The following HTT-AS variants were observed in gnomAD, a reference collection of about 807,000 sequenced individuals.
The protein encoded by HTT-AS is HTT antisense RNA (head to head).
At chr4:3,058,507 T>TG (rs930316209) in intron 2 of HTT-AS, among the ~76,000 whole-genome samples, 1 of 152,150 alleles carries the variant, frequency 6.6e-6, no homozygotes, top group Non-Finnish European at 1.5e-5. Flanking sequence ...TGGTGGGCTT[T>TG]GGCCAGCTTC....
chr4:3,068,582 C>T (rs1712101100), intron 1 of HTT-AS, among the ~76,000 whole-genome samples: 1 of 150,420 alleles, frequency 6.6e-6, no homozygotes, highest in South Asian at 2.1e-4. Flanking sequence ...ATTCGGGGGC[C>T]AATTTAAACA....
chr4:3,074,234 G>A (rs768018463), intron 1 of HTT-AS, among the ~76,000 whole-genome samples: 8 of 29,714 alleles, frequency 2.7e-4, no homozygotes, highest in Non-Finnish European at 2.9e-4. Context: ...GCCCCGCCCC[G>A]CCCCCGTCTC....
chr4:3,064,386 G>A (rs1411261680), intron 1 of HTT-AS, among the ~76,000 whole-genome samples: 1 of 152,084 alleles, frequency 6.6e-6, no homozygotes, highest in East Asian at 1.9e-4. Context: ...GAGCCACCGT[G>A]CCTGGCCAAA....
At chr4:3,072,788 C>T (rs910497031) in intron 1 of HTT-AS, among the ~76,000 whole-genome samples, 9 of 152,128 alleles carry the variant, frequency 5.9e-5, no homozygotes, top group Admixed American at 3.9e-4. Flanking sequence ...CCACTACACC[C>T]GGCTAATTTT....
At chr4:3,054,922 C>A (rs1304825965) in intron 2 of HTT-AS, among the ~76,000 whole-genome samples, 2 of 151,762 alleles carry the variant, frequency 1.3e-5, no homozygotes, top group South Asian at 2.1e-4. Context: ...ACCATATTGG[C>A]CAGGCTGGTC....
At chr4:3,069,072 T>G (rs1338969510) in intron 1 of HTT-AS, among the ~76,000 whole-genome samples, 2 of 152,110 alleles carry the variant, frequency 1.3e-5, no homozygotes, top group Non-Finnish European at 2.9e-5. Context: ...GAGAATAGAT[T>G]TACGTTAGAT....
intron 2 of HTT-AS, among the ~76,000 whole-genome samples, chr4:3,058,620 G>A (rs1160454049): frequency 2.0e-5 from 3 of 152,064 alleles, no homozygotes; most frequent in Non-Finnish European, 2.9e-5. Context: ...CTGGGAACGC[G>A]GCCCAGCAGG....
intron 1 of HTT-AS, among the ~76,000 whole-genome samples, chr4:3,064,372 G>A (rs937811664): frequency 6.6e-6 from 1 of 152,130 alleles, no homozygotes; most frequent in African/African-American, 2.4e-5. Flanking sequence ...GGGATTACAG[G>A]CATGAGCCAC....
At chr4:3,074,518 T>A (rs1400919887) in exon 1 of HTT-AS, 1 of 282,336 alleles carries the variant, frequency 3.5e-6, no homozygotes, top group East Asian at 1.0e-4. Flanking sequence ...CCTTGCTGTG[T>A]GAGGCAGAAC....
intron 2 of HTT-AS, among the ~76,000 whole-genome samples, chr4:3,057,269 G>A (rs980509015): frequency 3.3e-5 from 5 of 152,170 alleles, no homozygotes; most frequent in Middle Eastern, 3.4e-3. Flanking sequence ...TCCTGACCTC[G>A]TGATCTGCCC....
intron 1 of HTT-AS, among the ~76,000 whole-genome samples, chr4:3,066,483 G>C (rs962227181): frequency 7.9e-5 from 12 of 152,108 alleles, no homozygotes; most frequent in African/African-American, 2.9e-4. Flanking sequence ...TAAGCCTCTT[G>C]AGCATAGGGG....
intron 2 of HTT-AS, among the ~76,000 whole-genome samples, chr4:3,061,808 C>T (rs1381765308): frequency 2.7e-5 from 4 of 150,322 alleles, no homozygotes; most frequent in Non-Finnish European, 5.9e-5. Flanking sequence ...GATGAAACCC[C>T]ATCTCTACTA....
intron 2 of HTT-AS, among the ~76,000 whole-genome samples, chr4:3,050,650 C>A (rs1382051669): frequency 1.3e-5 from 2 of 152,152 alleles, no homozygotes; most frequent in African/African-American, 4.8e-5. Flanking sequence ...TTGGTTATTT[C>A]TATGATTTAC....
chr4:3,069,425 G>C (rs978084981), intron 1 of HTT-AS, among the ~76,000 whole-genome samples: 1 of 151,898 alleles, frequency 6.6e-6, no homozygotes, highest in Non-Finnish European at 1.5e-5. Flanking sequence ...CAAAGTGCTG[G>C]GATTACAGGT....
intron 2 of HTT-AS, among the ~76,000 whole-genome samples, chr4:3,058,195 G>A (rs565648657): frequency 1.6e-3 from 239 of 152,004 alleles, no homozygotes; most frequent in African/African-American, 4.7e-3. Flanking sequence ...GCGTGGTGGC[G>A]CGTGCCTGTA....
intron 2 of HTT-AS, among the ~76,000 whole-genome samples, chr4:3,055,528 C>G (rs1711790480): frequency 6.6e-6 from 1 of 152,116 alleles, no homozygotes; most frequent in South Asian, 2.1e-4. Flanking sequence ...TTTTTGGGAG[C>G]CTTCATTTTT....
At chr4:3,063,645 G>C (rs1253407839) in exon 2 of HTT-AS, 1 of 152,370 alleles carries the variant, frequency 6.6e-6, no homozygotes, top group African/African-American at 2.4e-5. Flanking sequence ...TCTGGGAAGA[G>C]AGTCACCTGG....
intron 2 of HTT-AS, among the ~76,000 whole-genome samples, chr4:3,058,177 T>A (rs1337471608): frequency 2.0e-5 from 3 of 151,754 alleles, no homozygotes; most frequent in Non-Finnish European, 4.4e-5. Flanking sequence ...AAATAAAAAA[T>A]TAGCTGGGCG....
intron 1 of HTT-AS, among the ~76,000 whole-genome samples, chr4:3,073,661 G>T (rs959764808): frequency 6.6e-6 from 1 of 151,416 alleles, no homozygotes; most frequent in African/African-American, 2.4e-5. Flanking sequence ...GCTGCGCTGG[G>T]ACCGATGGGG....
Sources: gnomAD v4.1 joint callset for allele counts (sites outside exome capture counted in the v4.1 genomes callset) on GRCh38, gnomAD v4.1.1 for gene constraint, MANE v1.5 for transcripts, NCBI Gene and HGNC (gene_info 2026-07-23, HGNC 2026-07-21) for gene names.